RGSL1: variants seen among roughly 807,000 people sequenced by gnomAD.
The protein encoded by RGSL1 is regulator of G protein signaling protein-like.
Under a neutral mutation model 124.7 loss-of-function variants are expected in RGSL1, and 97 were observed. The observed-to-expected ratio is 0.78, with a 90% CI of 0.66 to 0.92. The LOEUF (loss-of-function observed/expected upper bound fraction) is 0.92. Ranked by LOEUF, RGSL1 falls within the 40% of genes least tolerant of loss-of-function variation. The probability of loss-of-function intolerance (pLI) is 0.00; values close to 1 mark genes in which losing one functional copy is unlikely to be tolerated. For missense variants in RGSL1, 1,233 were observed against 1,288.4 expected, an observed-to-expected ratio of 0.96 and a Z score of 0.66; for synonymous variants, 424 against 438.1, an observed-to-expected ratio of 0.97 and a Z score of 0.40.
intron 4 of RGSL1, chr1:182,460,487 T>C (rs977949645): frequency 5.4e-6 from 2 of 370,854 alleles, no homozygotes; most frequent in Non-Finnish European, 1.0e-5. Context: ...CATAGTAAAA[T>C]TGCCTAATTT....
At chr1:182,553,338 C>A in intron 18 of RGSL1, 117 bp from the exon 19 acceptor site, 1 of 722,526 alleles carries the variant, frequency 1.4e-6, no homozygotes, top group Non-Finnish European at 2.3e-6. Flanking sequence ...AATGTTTTAT[C>A]ATTAACATTT....
At chr1:182,488,772 C>T in intron 7 of RGSL1, 1 of 460,958 alleles carries the variant, frequency 2.2e-6, no homozygotes, top group Non-Finnish European at 3.8e-6. Context: ...AAGTCACAAC[C>T]ACAGAAAATT....
intron 2 of RGSL1, among the ~76,000 whole-genome samples, chr1:182,457,663 A>G (rs1652457380): frequency 6.6e-6 from 1 of 152,148 alleles, no homozygotes; most frequent in Admixed American, 6.5e-5. Flanking sequence ...TTCTGCAAAT[A>G]CTTCTGGGAC....
chr1:182,460,506 C>T (rs1262924098), intron 4 of RGSL1: 1 of 376,388 alleles, frequency 2.7e-6, no homozygotes, highest in Non-Finnish European at 5.2e-6. Context: ...TTAGAACCAA[C>T]AGATTTCACC....
At chr1:182,493,341 A>C (rs1306056114) in intron 9 of RGSL1, among the ~76,000 whole-genome samples, 3 of 152,202 alleles carry the variant, frequency 2.0e-5, no homozygotes, top group Non-Finnish European at 4.4e-5. Context: ...ATCATAAATG[A>C]ATGAAGTGAT....
At chr1:182,516,250 T>C (rs1657886252) in intron 9 of RGSL1, among the ~76,000 whole-genome samples, 1 of 152,156 alleles carries the variant, frequency 6.6e-6, no homozygotes, top group African/African-American at 2.4e-5. Context: ...CCATTTAGGG[T>C]CGTGGGTTTC....
intron 15 of RGSL1, among the ~76,000 whole-genome samples, chr1:182,540,754 G>T (rs563634062): frequency 6.6e-6 from 1 of 152,222 alleles, no homozygotes; most frequent in South Asian, 2.1e-4. Flanking sequence ...TTTAGTCAAA[G>T]CCAGGAATTA....
rs140438348 is a variant in RGSL1 at position 182,534,734 on chromosome 1, A to G, written c.2494+1943A>G. 7.2e-3 allele frequency among the ~76,000 whole-genome samples: 1,098 copies of G among 152,096 alleles called. 15 individuals are homozygous for G. The highest frequency in any genetic ancestry group is 0.027 in the Middle Eastern group (8 of 294). On this transcript the variant is annotated intron_variant, in intron 14 of 21. Transcript: ENST00000294854. ...CCCAGCTACTCGGGAGGCTGAGGCC[A>G]GAGAATCACTTGAACCCAGGAGGCA...
Position 182,530,779 on chromosome 1 carries a change from C to T in RGSL1, c.2244-11C>T, listed in dbSNP as rs1451953833. ...TTGCCCTGTTTGATATTACTGATGTCCTTCTGACAGGTTTAAAGATTATCA... is the reference window on the plus strand; with the variant it reads ...TTGCCCTGTTTGATATTACTGATGTTCTTCTGACAGGTTTAAAGATTATCA... On this transcript the variant is annotated splice_polypyrimidine_tract_variant and intron_variant, in intron 12 of 21. Transcript: ENST00000294854. 1 of 1,525,646 alleles carries T rather than the reference C, an allele frequency of 6.6e-7. No homozygotes were observed. Among genetic ancestry groups the T allele is most frequent in the East Asian group, 2.5e-5 (1 of 40,030 alleles). The allele number at this position is 1,525,646 out of a possible 1,614,324, so 94.5% of individuals were successfully genotyped here. A position where few individuals can be genotyped will look rare whatever the true frequency, so the allele number is the denominator to read the frequency against.
At chr1:182,488,725 CA>C (rs561296385) in intron 7 of RGSL1, 9,884 of 104,334 alleles carry the variant, frequency 0.095, no homozygotes, top group South Asian at 0.17. Flanking sequence ...GACTCCGTCT[CA>C]AAAAAAAAAA....
At chr1:182,477,359 C>T (rs1436697011) in intron 6 of RGSL1, among the ~76,000 whole-genome samples, 23 of 152,190 alleles carry the variant, frequency 1.5e-4, no homozygotes, top group Admixed American at 8.5e-4. Context: ...ACCCTGTTAA[C>T]GACCCAATGC....
At position 182,527,610 on chromosome 1, in the gene RGSL1, C is replaced by T. The variant is rs1428298869; in HGVS notation, c.1963C>T (p.His655Tyr). The part of the protein sequence containing the change: ...NLTEVLLNTQ[H>Y]LEFFREFLKE... ...GACAGAAGTCCTCTTAAATACACAGCACTTGGAGTTCTTCAGGGAGTTCCT... is the reference window on the plus strand; with the variant it reads ...GACAGAAGTCCTCTTAAATACACAGTACTTGGAGTTCTTCAGGGAGTTCCT... Residue 655 changes from histidine (H) to tyrosine (Y), a missense_variant, in exon 11 of 22, where the codon CAC (histidine) becomes TAC (tyrosine). Transcript: ENST00000294854. 1.3e-6 allele frequency: 2 copies of T among 1,551,314 alleles called. No individual in the cohort carries two copies. Among genetic ancestry groups the T allele is most frequent in the East Asian group, 2.4e-5 (1 of 40,916 alleles).
chr1:182,458,496 G>A, intron 3 of RGSL1, 103 bp downstream of exon 3: 1 of 925,800 alleles, frequency 1.1e-6, no homozygotes. Context: ...TGGAGATGGG[G>A]TCTCATTCTG....
intron 9 of RGSL1, among the ~76,000 whole-genome samples, chr1:182,512,841 C>T (rs769904034): frequency 3.3e-5 from 5 of 152,176 alleles, no homozygotes; most frequent in African/African-American, 9.7e-5. Flanking sequence ...TTTGGCTACC[C>T]CATGGCTGAT....
intron 8 of RGSL1, among the ~76,000 whole-genome samples, chr1:182,490,470 T>C (rs1400679873): frequency 1.3e-5 from 2 of 152,226 alleles, no homozygotes; most frequent in Non-Finnish European, 2.9e-5. Context: ...CAAACCAAGA[T>C]GCCCTGGATG....
intron 10 of RGSL1, among the ~76,000 whole-genome samples, chr1:182,522,372 C>T (rs549595469): frequency 2.0e-5 from 3 of 152,096 alleles, no homozygotes; most frequent in Non-Finnish European, 2.9e-5. Context: ...GCAGATCTAC[C>T]TCCTTCCATG....
intron 15 of RGSL1, 111 bp from the exon 16 acceptor site, chr1:182,548,206 C>T: frequency 1.8e-6 from 2 of 1,126,550 alleles, no homozygotes; most frequent in South Asian, 1.4e-5. Flanking sequence ...ACAACCTGGC[C>T]TAGAACTGGC....
chr1:182,490,692 A>G (rs1655452565), intron 8 of RGSL1, among the ~76,000 whole-genome samples: 1 of 152,220 alleles, frequency 6.6e-6, no homozygotes, highest in East Asian at 1.9e-4. Context: ...GCTATGGGAC[A>G]CAAGGGATAG....
intron 14 of RGSL1, among the ~76,000 whole-genome samples, chr1:182,533,910 G>A (rs1659364356): frequency 6.6e-6 from 1 of 152,164 alleles, no homozygotes; most frequent in South Asian, 2.1e-4. Flanking sequence ...TGGGATGGGA[G>A]GAGAGTGATT....
Sources: allele counts gnomAD v4.1 joint callset (sites outside exome capture counted in the v4.1 genomes callset), GRCh38; gene constraint gnomAD v4.1.1; transcripts MANE v1.5; gene names NCBI Gene and HGNC (gene_info 2026-07-23, HGNC 2026-07-21).